Variants in ADAMTS12 observed in about 807,000 individuals in gnomAD.
The protein encoded by ADAMTS12 is ADAM metallopeptidase with thrombospondin type 1 motif 12.
A neutral mutation model predicts 167.8 loss-of-function variants in ADAMTS12; 118 were observed. The observed-to-expected ratio is 0.70, with a 90% CI of 0.61 to 0.82. The LOEUF is 0.82. Among genes scored for constraint, ADAMTS12 ranks in the 40% least tolerant of loss-of-function variants. The pLI is 0.00. For missense variants in ADAMTS12, 1,916 were observed against 1,998.8 expected, an observed-to-expected ratio of 0.96 and a Z score of 0.79; for synonymous variants, 704 against 716.9, an observed-to-expected ratio of 0.98 and a Z score of 0.29.
intron 2 of ADAMTS12, among the ~76,000 whole-genome samples, chr5:33,826,595 T>C (rs1748082148): frequency 6.6e-6 from 1 of 151,576 alleles, no homozygotes; most frequent in South Asian, 2.1e-4. Context: ...TGTATATATA[T>C]ATATATATAT....
rs112316320 is a variant in ADAMTS12, at chr5:33,768,421, C to T, written c.490-16873G>A. Reference sequence around the variant, plus strand: ...TTATCAAAATCACTATTTCGAAAGCCCTTTTAAATCATAAGGAAAATTCTT... The same window carrying T: ...TTATCAAAATCACTATTTCGAAAGCTCTTTTAAATCATAAGGAAAATTCTT... On this transcript the variant is annotated intron_variant, in intron 2 of 23. Transcript: ENST00000504830. Among the ~76,000 whole-genome samples the T allele has an allele frequency of 2.0e-3, 306 of 152,092 alleles. 5 individuals carry two copies. The highest frequency in any genetic ancestry group is 5.6e-3 in the African/African-American group (233 of 41,480).
chr5:33,630,850 G>A lies in ADAMTS12; in HGVS notation c.1952C>T (p.Ala651Val), dbSNP rs770811566. Residue 651 changes from alanine to valine, a missense_variant, in exon 13 of 24, where the codon GCT becomes GTT. Transcript: ENST00000504830. Reference protein sequence around the residue: ...DGQFSEKMLDAVIDGTPCFEG... With the variant: ...DGQFSEKMLDVVIDGTPCFEG... ...AAAGCAAGGGGTACCATCAATGACAGCATCCAGCATTTTCTCAGAAAACTG... is the reference window on the plus strand; with the variant it reads ...AAAGCAAGGGGTACCATCAATGACAACATCCAGCATTTTCTCAGAAAACTG... The A allele has an allele frequency of 6.2e-7, 1 of 1,613,620 alleles. No homozygotes were observed. Among genetic ancestry groups the A allele is most frequent in the Non-Finnish European group, 8.5e-7 (1 of 1,179,674 alleles).
In ADAMTS12 at chr5:33,524,055, G is replaced by A. The variant is rs374586920; in HGVS notation, c.*3133C>T. ...CTAAAACAATATAATCTCTCACATT[G>A]TGTTTCAGATACTGGATGAAGGTTA... is the stretch of plus-strand genomic sequence containing the variant. On this transcript the variant is annotated 3_prime_UTR_variant, in exon 24 of 24. Coordinates refer to ENST00000504830, the MANE Select transcript of ADAMTS12 (RefSeq NM_030955.4). 139 of 152,332 alleles carry A rather than the reference G, an allele frequency of 9.1e-4. No homozygotes were observed. The highest frequency in any genetic ancestry group is 3.3e-3 in the African/African-American group (137 of 41,548). 9.4% of individuals were successfully genotyped at this position (152,332 alleles called of 1,614,324 possible). A position where few individuals can be genotyped will look rare whatever the true frequency, so the allele number is the denominator to read the frequency against.
At chr5:33,678,145 C>T (rs4437380) in intron 5 of ADAMTS12, among the ~76,000 whole-genome samples, 34,757 of 152,070 alleles carry the variant, frequency 0.23, 5,031 homozygotes, top group East Asian at 0.57. Flanking sequence ...TTCCACAGAG[C>T]CTGAGTGATC....
chr5:33,670,990 A>T (rs1247185745), intron 5 of ADAMTS12, among the ~76,000 whole-genome samples: 1 of 152,120 alleles, frequency 6.6e-6, no homozygotes, highest in East Asian at 1.9e-4. Flanking sequence ...AAAGGGGAAA[A>T]ACTCTTGATA....
At chr5:33,554,168 T>A (rs1382967074) in intron 20 of ADAMTS12, among the ~76,000 whole-genome samples, 3 of 152,188 alleles carry the variant, frequency 2.0e-5, no homozygotes, top group East Asian at 1.9e-4. Flanking sequence ...TTGAGCTGAA[T>A]CTTAATGAGT....
Position 33,588,282 on chromosome 5 carries a change from C to T in ADAMTS12, c.2865+317G>A, listed in dbSNP as rs16891367. Reference sequence around the variant, plus strand: ...GGGTGTGTGGGAGGTCCCTTATCTGCTACCAGTGGTTTAACAATGGGCCTG... The same window carrying T: ...GGGTGTGTGGGAGGTCCCTTATCTGTTACCAGTGGTTTAACAATGGGCCTG... On this transcript the variant is annotated intron_variant, in intron 18 of 23. Transcript: ENST00000504830. Among the ~76,000 whole-genome samples the T allele has an allele frequency of 2.6e-3, 396 of 152,084 alleles. 4 individuals are homozygous for T. Among genetic ancestry groups the T allele is most frequent in the African/African-American group, 9.2e-3 (382 of 41,396 alleles).
chr5:33,888,930 A>C (rs1424070684), intron 1 of ADAMTS12, among the ~76,000 whole-genome samples: 1 of 152,240 alleles, frequency 6.6e-6, no homozygotes. Context: ...AGTCCCAGAA[A>C]GGACTGGATT....
At chr5:33,791,263 T>C (rs1279073887) in intron 2 of ADAMTS12, among the ~76,000 whole-genome samples, 1 of 152,178 alleles carries the variant, frequency 6.6e-6, no homozygotes, top group Non-Finnish European at 1.5e-5. Flanking sequence ...TCCTGGGCAA[T>C]ATGAGGTACT....
At chr5:33,661,838 T>A (rs1256954043) in intron 6 of ADAMTS12, 78 bp downstream of exon 6, 7 of 1,585,958 alleles carry the variant, frequency 4.4e-6, no homozygotes, top group Non-Finnish European at 6.0e-6. Flanking sequence ...TGTCATGGGT[T>A]TGAACACCTG....
At chr5:33,532,697 A>T (rs1579627738) in intron 23 of ADAMTS12, among the ~76,000 whole-genome samples, 1 of 152,198 alleles carries the variant, frequency 6.6e-6, no homozygotes, top group African/African-American at 2.4e-5. Flanking sequence ...CTAATGTGGA[A>T]ATAATAGTTC....
At chr5:33,592,143 C>T (rs1459109147) in intron 17 of ADAMTS12, among the ~76,000 whole-genome samples, 2 of 151,992 alleles carry the variant, frequency 1.3e-5, no homozygotes, top group Admixed American at 1.3e-4. Flanking sequence ...GTAGGAGGAT[C>T]GCTTGAACCT....
intron 2 of ADAMTS12, among the ~76,000 whole-genome samples, chr5:33,824,483 T>C (rs1379719331): frequency 1.3e-5 from 2 of 152,160 alleles, no homozygotes; most frequent in African/African-American, 2.4e-5. Flanking sequence ...AGTTAGTCCA[T>C]ATAAAAATAA....
chr5:33,572,245 T>C (rs1167299097), intron 19 of ADAMTS12, among the ~76,000 whole-genome samples: 2 of 152,142 alleles, frequency 1.3e-5, no homozygotes, highest in South Asian at 4.1e-4. Context: ...CTAACTCATT[T>C]TATGAGGCCA....
intron 2 of ADAMTS12, among the ~76,000 whole-genome samples, chr5:33,784,016 AGTG>A (rs1301106472): frequency 2.0e-5 from 3 of 151,972 alleles, no homozygotes; most frequent in African/African-American, 7.2e-5. Context: ...ATGATGGCCA[AGTG>A]AGATTTACCC....
intron 2 of ADAMTS12, among the ~76,000 whole-genome samples, chr5:33,816,737 A>C (rs1004735561): frequency 6.6e-6 from 1 of 152,224 alleles, no homozygotes; most frequent in Admixed American, 6.5e-5. Flanking sequence ...TGAGGAAAGC[A>C]CAGGGGTGTC....
At chr5:33,865,192 A>T (rs139783387) in intron 2 of ADAMTS12, among the ~76,000 whole-genome samples, 52 of 152,230 alleles carry the variant, frequency 3.4e-4, no homozygotes, top group African/African-American at 1.3e-3. Flanking sequence ...ACTACAAACC[A>T]ATATCCCTGA....
At chr5:33,532,803 A>T (rs1342245447) in intron 23 of ADAMTS12, among the ~76,000 whole-genome samples, 2 of 152,228 alleles carry the variant, frequency 1.3e-5, no homozygotes, top group Non-Finnish European at 2.9e-5. Flanking sequence ...CATACCTGAT[A>T]TTATAAAATA....
At position 33,691,411 on chromosome 5, in the gene ADAMTS12, T is replaced by C. The variant is rs1742542906; in HGVS notation, c.635-7356A>G. 3.3e-5 allele frequency among the ~76,000 whole-genome samples: 5 copies of C among 152,216 alleles called. No individual in the cohort carries two copies. The South Asian group carries it at 1.0e-3, about 32-fold the overall frequency. On this transcript the variant is annotated intron_variant, in intron 3 of 23. Transcript: ENST00000504830. ...TGAATACTAAAGTCTTTTCATATTA[T>C]AAGCCTGTCATTCTATGATGATCTA... is the stretch of plus-strand genomic sequence containing the variant.
Sources: allele counts gnomAD v4.1 joint callset (sites outside exome capture counted in the v4.1 genomes callset), GRCh38; gene constraint gnomAD v4.1.1; transcripts MANE v1.5; gene names NCBI Gene and HGNC (gene_info 2026-07-23, HGNC 2026-07-21).